Variants in PIP4K2A observed in about 807,000 individuals in gnomAD.
The protein encoded by PIP4K2A is phosphatidylinositol 5-phosphate 4-kinase type-2 alpha.
PIP4K2A carries 14 observed loss-of-function variants against 42.9 expected under a neutral mutation model. The ratio of observed to expected loss-of-function variants is 0.33; its 90% CI spans 0.22 to 0.51. The LOEUF (loss-of-function observed/expected upper bound fraction) is 0.51. PIP4K2A is among the 20% of genes least tolerant of loss of function. The pLI, the probability that PIP4K2A is intolerant of heterozygous loss-of-function variation, is 0.97. For missense variants in PIP4K2A, 434 were observed against 519.8 expected (o/e 0.83, Z 1.61); for synonymous variants, 192 against 192.2 (o/e 1.00, Z 0.01).
chr10:22,589,893 G>A (rs949086180), intron 4 of PIP4K2A, among the ~76,000 whole-genome samples: 21 of 152,248 alleles, frequency 1.4e-4, no homozygotes, highest in East Asian at 1.9e-4. Context: ...TAAAAACACC[G>A]TGTGACTCTG....
At chr10:22,591,275 T>C (rs1588647788) in intron 4 of PIP4K2A, among the ~76,000 whole-genome samples, 1 of 152,228 alleles carries the variant, frequency 6.6e-6, no homozygotes, top group African/African-American at 2.4e-5. Context: ...AATAGATACA[T>C]ACTCAGAGGT....
At chr10:22,695,006 G>A (rs1358454515) in intron 1 of PIP4K2A, among the ~76,000 whole-genome samples, 1 of 152,140 alleles carries the variant, frequency 6.6e-6, no homozygotes, top group Non-Finnish European at 1.5e-5. Flanking sequence ...ATTTGGATCC[G>A]TGTATCTTTG....
At chr10:22,676,817 T>C (rs552410623) in intron 1 of PIP4K2A, among the ~76,000 whole-genome samples, 28 of 152,164 alleles carry the variant, frequency 1.8e-4, no homozygotes, top group African/African-American at 6.3e-4. Context: ...AGCCAACAAT[T>C]AAAAAACCAG....
At chr10:22,699,074 T>G (rs752129209) in intron 1 of PIP4K2A, among the ~76,000 whole-genome samples, 4 of 152,158 alleles carry the variant, frequency 2.6e-5, no homozygotes, top group Non-Finnish European at 5.9e-5. Flanking sequence ...AAAGATTAGC[T>G]TCTCCTAACC....
At chr10:22,659,008 C>G (rs1839153765) in intron 1 of PIP4K2A, among the ~76,000 whole-genome samples, 2 of 152,168 alleles carry the variant, frequency 1.3e-5, no homozygotes, top group African/African-American at 4.8e-5. Context: ...AATGTACCCC[C>G]ACCAGAATCC....
intron 1 of PIP4K2A, among the ~76,000 whole-genome samples, chr10:22,622,105 C>G (rs1431000882): frequency 6.6e-6 from 1 of 152,170 alleles, no homozygotes; most frequent in Non-Finnish European, 1.5e-5. Context: ...ACACCACCAC[C>G]AAACATGACA....
chr10:22,576,895 G>A (rs1009023076), intron 4 of PIP4K2A, among the ~76,000 whole-genome samples: 4 of 151,990 alleles, frequency 2.6e-5, no homozygotes, highest in African/African-American at 7.3e-5. Flanking sequence ...GGCCAACAGC[G>A]AAACCTCGTC....
rs1835928791 is a variant in PIP4K2A, at chr10:22,536,702, A to G, written c.*499T>C. On this transcript the variant is annotated 3_prime_UTR_variant, in exon 10 of 10. Transcript: ENST00000376573. ...TTCATTATTCTGAATACTGTCTCAC[A>G]TCTTTCAACTCCAAAAAAAAAAAAA... is the stretch of plus-strand genomic sequence containing the variant. The G allele has an allele frequency of 8.3e-6, 1 of 120,416 alleles. No individual in the cohort carries two copies. The highest frequency in any genetic ancestry group is 2.8e-4 in the South Asian group (1 of 3,562). 7.5% of individuals were successfully genotyped at this position (120,416 alleles called of 1,614,324 possible).
chr10:22,559,078 T>G (rs9787428), intron 6 of PIP4K2A, among the ~76,000 whole-genome samples: 136,072 of 152,160 alleles, frequency 0.89, 61,131 homozygotes, highest in East Asian at 1. Context: ...GTTCCAGTCG[T>G]AACAGAAGAT....
At position 22,714,276 on chromosome 10, in the gene PIP4K2A, C is replaced by T. The variant is rs1203950591; in HGVS notation, c.51G>A (p.Lys17=). 1.2e-6 allele frequency: 2 copies of T among 1,612,568 alleles called. No individual in the cohort carries two copies. The highest frequency in any genetic ancestry group is 1.7e-5 in the Admixed American group (1 of 59,938). ...GCGCTACGAAGTGCTTCTTCTTGGT[C>T]TTGGTCTTGCTCGCCAGGACAGAGG... ...LGSSVLASKT[K]TKKKHFVAQK... The change falls in exon 1 of 10, where the codon AAG becomes AAA. Residue 17 remains lysine (K), a synonymous_variant. Transcript: ENST00000376573.
At chr10:22,713,715 GC>G (rs1833956961) in intron 1 of PIP4K2A, among the ~76,000 whole-genome samples, 1 of 152,080 alleles carries the variant, frequency 6.6e-6, no homozygotes, top group African/African-American at 2.4e-5. Flanking sequence ...CACGCGCCCA[GC>G]CCGGGACAGG....
chr10:22,634,721 CA>C (rs1035700313), intron 1 of PIP4K2A, among the ~76,000 whole-genome samples: 1 of 151,932 alleles, frequency 6.6e-6, no homozygotes, highest in Non-Finnish European at 1.5e-5. Flanking sequence ...AGGAAGCATA[CA>C]TTTTTTTTAA....
In PIP4K2A at chr10:22,536,112, C is replaced by T; in HGVS notation, c.*1089G>A. On this transcript the variant is annotated 3_prime_UTR_variant, in exon 10 of 10. Transcript: ENST00000376573. ...TTTCCTAATAATGTAAACAGTAAAA[C>T]TGAGGGTTTCAGTTAAAGGGATAAT... is the stretch of plus-strand genomic sequence containing the variant. 1 of 398,486 alleles carries T rather than the reference C, an allele frequency of 2.5e-6. No individual in the cohort carries two copies. Among genetic ancestry groups the T allele is most frequent in the Non-Finnish European group, 4.4e-6 (1 of 226,030 alleles). 24.7% of individuals were successfully genotyped at this position (398,486 alleles called of 1,614,324 possible).
intron 9 of PIP4K2A, 98 bp from the exon 10 acceptor site, chr10:22,537,379 T>A: frequency 1.1e-6 from 1 of 885,172 alleles, no homozygotes; most frequent in Non-Finnish European, 1.8e-6. Context: ...CAACTGAATA[T>A]ACAGCAAGCA....
chr10:22,634,476 CAATATT>C (rs1302083545), intron 1 of PIP4K2A, among the ~76,000 whole-genome samples: 2 of 152,168 alleles, frequency 1.3e-5, no homozygotes, highest in Non-Finnish European at 2.9e-5. Flanking sequence ...TTCTTTGCAG[CAATATT>C]ATACCATATT....
intron 1 of PIP4K2A, among the ~76,000 whole-genome samples, chr10:22,695,200 T>C (rs1370498685): frequency 2.0e-5 from 3 of 152,242 alleles, no homozygotes; most frequent in Non-Finnish European, 2.9e-5. Context: ...CTATCAATAA[T>C]TTTTAACAAA....
intron 1 of PIP4K2A, among the ~76,000 whole-genome samples, chr10:22,695,581 T>C (rs775051024): frequency 6.6e-6 from 1 of 152,158 alleles, no homozygotes; most frequent in East Asian, 1.9e-4. Flanking sequence ...CAAACCAAAA[T>C]GTACAAGTCA....
intron 6 of PIP4K2A, among the ~76,000 whole-genome samples, chr10:22,561,446 C>T (rs1293763873): frequency 6.6e-6 from 1 of 151,532 alleles, no homozygotes; most frequent in African/African-American, 2.4e-5. Context: ...TCAAACTTGT[C>T]ATCAACAAGT....
chr10:22,665,855 T>C (rs747350391), intron 1 of PIP4K2A, among the ~76,000 whole-genome samples: 5 of 151,850 alleles, frequency 3.3e-5, no homozygotes, highest in Non-Finnish European at 7.4e-5. Context: ...CATACATATA[T>C]ATACATATAT....
Sources: allele counts gnomAD v4.1 joint callset (sites outside exome capture counted in the v4.1 genomes callset), GRCh38; gene constraint gnomAD v4.1.1; transcripts MANE v1.5; gene names NCBI Gene and HGNC (gene_info 2026-07-23, HGNC 2026-07-21).